The following TMEM117 variants were observed in gnomAD, a reference collection of about 807,000 sequenced individuals.
The protein encoded by TMEM117 is transmembrane protein 117.
In TMEM117, 27 loss-of-function variants were observed where a neutral mutation model predicts 52.4. The observed-to-expected ratio is 0.51, with a 90% CI of 0.38 to 0.71. The LOEUF (loss-of-function observed/expected upper bound fraction) is 0.71. TMEM117 is among the 30% of genes least tolerant of loss of function. The probability of loss-of-function intolerance (pLI) is 0.00; values close to 1 mark genes in which losing one functional copy is unlikely to be tolerated. For missense variants in TMEM117, 556 were observed against 630.5 expected (o/e 0.88, Z 1.26); for synonymous variants, 215 against 206.3 (o/e 1.04, Z -0.36).
chr12:44,053,384 G>A (rs1947005172), intron 3 of TMEM117, among the ~76,000 whole-genome samples: 1 of 152,088 alleles, frequency 6.6e-6, no homozygotes. Context: ...AGGGGTCCTG[G>A]GTACAGAGCT....
intron 2 of TMEM117, among the ~76,000 whole-genome samples, chr12:43,854,320 A>C (rs748604445): frequency 1.1e-4 from 17 of 152,096 alleles, no homozygotes; most frequent in Non-Finnish European, 2.2e-4. Flanking sequence ...AGCAAAGGCA[A>C]GCAGATTGGG....
intron 5 of TMEM117, among the ~76,000 whole-genome samples, chr12:44,231,380 CCT>C (rs1486548734): frequency 2.0e-5 from 3 of 151,582 alleles, no homozygotes; most frequent in African/African-American, 7.3e-5. Flanking sequence ...AATCCATTCT[CCT>C]CTCGATGGGC....
intron 3 of TMEM117, among the ~76,000 whole-genome samples, chr12:44,063,689 T>A (rs1357774087): frequency 1.4e-5 from 2 of 138,574 alleles, no homozygotes; most frequent in Non-Finnish European, 3.1e-5. Flanking sequence ...AATTGTTCAA[T>A]TCCCACCTAT....
chr12:43,921,701 G>A (rs143826747), intron 2 of TMEM117, among the ~76,000 whole-genome samples: 54 of 151,918 alleles, frequency 3.6e-4, no homozygotes, highest in African/African-American at 1.2e-3. Context: ...TTACCTTTTC[G>A]TTTCTATGTA....
chr12:44,208,274 G>A (rs572229870), intron 4 of TMEM117, among the ~76,000 whole-genome samples: 37 of 152,112 alleles, frequency 2.4e-4, no homozygotes, highest in African/African-American at 8.7e-4. Context: ...GCCATGATGC[G>A]GTGAGTGCCA....
intron 3 of TMEM117, among the ~76,000 whole-genome samples, chr12:44,051,844 T>A (rs1946977767): frequency 6.6e-6 from 1 of 152,178 alleles, no homozygotes; most frequent in South Asian, 2.1e-4. Flanking sequence ...TCAAAAGGAA[T>A]CATATGGGCT....
chr12:43,836,059 G>C (rs558787397), upstream of TMEM117: 3 of 151,786 alleles, frequency 2.0e-5, 1 homozygote, highest in African/African-American at 7.2e-5. Flanking sequence ...GGTATTTATA[G>C]CTCCGTGACA....
intron 2 of TMEM117, among the ~76,000 whole-genome samples, chr12:43,939,492 A>G (rs773121235): frequency 1.1e-4 from 16 of 152,188 alleles, no homozygotes; most frequent in Non-Finnish European, 2.1e-4. Context: ...AATATTTCAC[A>G]TCACCTTTTC....
rs1949641863 is a variant in TMEM117, at chr12:44,211,275, C to A, written c.511-15C>A. The A allele has an allele frequency of 6.4e-7, 1 of 1,574,008 alleles. No individual in the cohort carries two copies. The highest frequency in any genetic ancestry group is 8.7e-7 in the Non-Finnish European group (1 of 1,147,162). Reference sequence around the variant, plus strand: ...ATTTCTGAAAGTGCTGAATAAGTTCCTTTCATTGCTTCAGGTCACTGATAT... The same window carrying A: ...ATTTCTGAAAGTGCTGAATAAGTTCATTTCATTGCTTCAGGTCACTGATAT... On this transcript the variant is annotated splice_polypyrimidine_tract_variant and intron_variant, in intron 4 of 7. Transcript: ENST00000266534.
intron 3 of TMEM117, among the ~76,000 whole-genome samples, chr12:44,022,489 T>A (rs1946470784): frequency 6.6e-6 from 1 of 152,218 alleles, no homozygotes; most frequent in African/African-American, 2.4e-5. Context: ...AATGAAAAGA[T>A]GTCTCCTTTA....
the TMEM117 span, among the ~76,000 whole-genome samples, chr12:44,398,119 T>TA: frequency 6.8e-6 from 1 of 148,122 alleles, no homozygotes; most frequent in South Asian, 2.1e-4. Flanking sequence ...GTTTTTTTTT[T>TA]AAACCTAAGG....
At chr12:43,917,961 G>A (rs1239677298) in intron 2 of TMEM117, among the ~76,000 whole-genome samples, 1 of 152,126 alleles carries the variant, frequency 6.6e-6, no homozygotes, top group Non-Finnish European at 1.5e-5. Context: ...ATGGCATTGA[G>A]TCATCTTTAC....
intron 6 of TMEM117, among the ~76,000 whole-genome samples, chr12:44,348,541 G>A (rs1486110297): frequency 6.6e-6 from 1 of 151,870 alleles, no homozygotes; most frequent in African/African-American, 2.4e-5. Context: ...GCAGGTGATG[G>A]CATAATTTGC....
intron 6 of TMEM117, among the ~76,000 whole-genome samples, chr12:44,337,870 A>G (rs1951362847): frequency 1.3e-5 from 2 of 152,110 alleles, no homozygotes; most frequent in Admixed American, 1.3e-4. Flanking sequence ...AGAAAAATGT[A>G]GCCTAACAGT....
chr12:43,951,816 G>C (rs190899632), intron 3 of TMEM117, among the ~76,000 whole-genome samples: 21 of 152,268 alleles, frequency 1.4e-4, no homozygotes, highest in African/African-American at 4.6e-4. Context: ...CCTCAAGAGG[G>C]TCCCTGACCC....
intron 4 of TMEM117, among the ~76,000 whole-genome samples, chr12:44,161,234 G>A (rs77447556): frequency 0.018 from 2,675 of 152,146 alleles, 61 homozygotes; most frequent in East Asian, 0.057. Context: ...AAATTTTTGC[G>A]TCTGTTCCTA....
intron 4 of TMEM117, among the ~76,000 whole-genome samples, chr12:44,184,610 A>T (rs1397088911): frequency 6.6e-6 from 1 of 152,168 alleles, no homozygotes; most frequent in African/African-American, 2.4e-5. Flanking sequence ...CTTACAGCTT[A>T]CCAGGAAATG....
At chr12:43,922,713 G>C (rs1944715431) in intron 2 of TMEM117, among the ~76,000 whole-genome samples, 1 of 152,166 alleles carries the variant, frequency 6.6e-6, no homozygotes, top group African/African-American at 2.4e-5. Flanking sequence ...GAGAATGAAA[G>C]TTGGAACTCA....
At chr12:43,946,697 G>A (rs990425984) in intron 3 of TMEM117, among the ~76,000 whole-genome samples, 4 of 152,132 alleles carry the variant, frequency 2.6e-5, no homozygotes, top group Middle Eastern at 3.2e-3. Flanking sequence ...GGAGAACACA[G>A]GTCCGATTGA....
Sources: gnomAD v4.1 joint callset for allele counts (sites outside exome capture counted in the v4.1 genomes callset) on GRCh38, gnomAD v4.1.1 for gene constraint, MANE v1.5 for transcripts, NCBI Gene and HGNC (gene_info 2026-07-23, HGNC 2026-07-21) for gene names.